CAMK1D: variants seen among roughly 807,000 people sequenced by gnomAD.
CAMK1D encodes calcium/calmodulin dependent protein kinase ID.
CAMK1D carries 9 observed loss-of-function variants against 47.7 expected under a neutral mutation model. The observed-to-expected ratio is 0.19, with a 90% CI of 0.11 to 0.33. The LOEUF is 0.33. Ranked by LOEUF, CAMK1D falls within the 10% of genes least tolerant of loss-of-function variation. The pLI, the probability that CAMK1D is intolerant of heterozygous loss-of-function variation, is 1.00. For missense variants in CAMK1D, 291 were observed against 488.7 expected, an observed-to-expected ratio of 0.60 and a Z score of 3.81; for synonymous variants, 184 against 184.9, an observed-to-expected ratio of 0.99 and a Z score of 0.04.
intron 1 of CAMK1D, among the ~76,000 whole-genome samples, chr10:12,486,721 C>T (rs1437576052): frequency 6.6e-6 from 1 of 152,118 alleles, no homozygotes; most frequent in Non-Finnish European, 1.5e-5. Flanking sequence ...TCAGTTTAAT[C>T]TTTGTGTTAC....
In CAMK1D at chr10:12,559,245, G is replaced by A. The variant is rs1006007774; in HGVS notation, c.224+5889G>A. The stretch of plus-strand genomic sequence containing the variant: ...TGCTTGAGCCGAGGAGTTTGAGGCT[G>A]TACTCCAGTTTGGGTGACAGACTGA... On this transcript the variant is annotated intron_variant, in intron 2 of 10. Coordinates refer to ENST00000619168, the MANE Select transcript of CAMK1D (RefSeq NM_153498.4). Among the ~76,000 whole-genome samples the A allele has an allele frequency of 7.2e-5, 11 of 152,188 alleles. No homozygotes were observed. The East Asian group carries it at 2.1e-3, about 29-fold the overall frequency.
intron 5 of CAMK1D, among the ~76,000 whole-genome samples, chr10:12,786,861 G>A (rs1292286813): frequency 6.6e-6 from 1 of 152,228 alleles, no homozygotes; most frequent in Non-Finnish European, 1.5e-5. Context: ...GGTGGCTCAC[G>A]CCTGTAATCC....
At chr10:12,672,896 C>CTTTTTTTTTTTTTTTTTTTTTTTTTTTT (rs750447013) in intron 3 of CAMK1D, among the ~76,000 whole-genome samples, 1 of 76,500 alleles carries the variant, frequency 1.3e-5, no homozygotes, top group Non-Finnish European at 2.3e-5. Context: ...ATAGGCTTGC[C>CTTTTTTTTTTTTTTTTTTTTTTTTTTTT]TTTTTTTTTT....
rs79373242 is a variant in CAMK1D at position 12,390,209 on chromosome 10, C to T, written c.92+40299C>T. On this transcript the variant is annotated intron_variant, in intron 1 of 10. Coordinates refer to ENST00000619168, the MANE Select transcript of CAMK1D (RefSeq NM_153498.4). ...TTTGCTAGTGATTTGCACCAGTGGC[C>T]GAAGAACTATAAAGTAGTTGTCTCT... Among the ~76,000 whole-genome samples the T allele has an allele frequency of 3.1e-4, 47 of 151,842 alleles. No homozygotes were observed. In the East Asian group the frequency reaches 6.8e-3, roughly 22 times the overall value.
At chr10:12,677,865 G>A (rs1364829607) in intron 3 of CAMK1D, among the ~76,000 whole-genome samples, 3 of 152,134 alleles carry the variant, frequency 2.0e-5, no homozygotes, top group East Asian at 3.8e-4. Context: ...CATCTTGGTG[G>A]GAGTTATGGC....
Position 12,552,587 on chromosome 10 carries a change from T to C in CAMK1D, c.93-638T>C, listed in dbSNP as rs562364110. 3.9e-5 allele frequency among the ~76,000 whole-genome samples: 6 copies of C among 152,310 alleles called. No individual in the cohort carries two copies. In the South Asian group the frequency reaches 1.0e-3, roughly 26 times the overall value. On this transcript the variant is annotated intron_variant, in intron 1 of 10. Coordinates refer to ENST00000619168, the MANE Select transcript of CAMK1D (RefSeq NM_153498.4). ...CCAGTCCTTTTCTGTAGGAGGAACC[T>C]CTTGTGGGAGCGTTCTTGTTGGCTC...
At chr10:12,524,389 A>G (rs757936112) in intron 1 of CAMK1D, among the ~76,000 whole-genome samples, 21 of 152,196 alleles carry the variant, frequency 1.4e-4, no homozygotes, top group African/African-American at 5.1e-4. Flanking sequence ...CATAGTTTTT[A>G]TATTTATTAC....
chr10:12,486,892 C>T (rs1016188685), intron 1 of CAMK1D, among the ~76,000 whole-genome samples: 1 of 152,068 alleles, frequency 6.6e-6, no homozygotes, highest in Non-Finnish European at 1.5e-5. Context: ...GAGCCATGAT[C>T]GCACCACTAC....
chr10:12,667,227 A>T (rs180760823), intron 3 of CAMK1D, among the ~76,000 whole-genome samples: 41 of 152,342 alleles, frequency 2.7e-4, no homozygotes, highest in Non-Finnish European at 5.0e-4. Flanking sequence ...AGGGAAGCAG[A>T]TGGTAACTGT....
intron 1 of CAMK1D, among the ~76,000 whole-genome samples, chr10:12,489,490 G>A (rs933262360): frequency 6.6e-6 from 1 of 152,156 alleles, no homozygotes; most frequent in East Asian, 1.9e-4. Context: ...GCTTCCATAA[G>A]GATCATTTTA....
intron 5 of CAMK1D, 26 bp downstream of exon 5, chr10:12,769,825 G>A: frequency 6.2e-7 from 1 of 1,612,756 alleles, no homozygotes; most frequent in Non-Finnish European, 8.5e-7. Flanking sequence ...GTGCACACAT[G>A]TGCCCGTGTG....
At chr10:12,798,654 A>G (rs926726142) in intron 6 of CAMK1D, among the ~76,000 whole-genome samples, 4 of 152,178 alleles carry the variant, frequency 2.6e-5, no homozygotes, top group Non-Finnish European at 5.9e-5. Flanking sequence ...TCCTCTCAAG[A>G]CTCAATTATC....
At chr10:12,700,540 A>G (rs1037253365) in intron 3 of CAMK1D, among the ~76,000 whole-genome samples, 1 of 152,170 alleles carries the variant, frequency 6.6e-6, no homozygotes, top group Non-Finnish European at 1.5e-5. Flanking sequence ...GACACAGCCA[A>G]CCAATATTAC....
At chr10:12,465,601 C>T (rs1489212681) in intron 1 of CAMK1D, among the ~76,000 whole-genome samples, 1 of 152,212 alleles carries the variant, frequency 6.6e-6, no homozygotes, top group African/African-American at 2.4e-5. Flanking sequence ...GTGATCCACC[C>T]ACCTTGGCCT....
At chr10:12,667,211 C>T (rs939166748) in intron 3 of CAMK1D, among the ~76,000 whole-genome samples, 8 of 152,158 alleles carry the variant, frequency 5.3e-5, no homozygotes, top group Non-Finnish European at 8.8e-5. Context: ...CCAGGGATGC[C>T]GGGGGAGGGA....
intron 9 of CAMK1D, 99 bp from the exon 10 acceptor site, chr10:12,825,474 T>C (rs1328004216): frequency 2.5e-6 from 3 of 1,197,880 alleles, no homozygotes; most frequent in Non-Finnish European, 3.5e-6. Flanking sequence ...GTAAGGAGTT[T>C]GAAATGCTTA....
In CAMK1D at chr10:12,832,069, T is replaced by G. The variant is rs922269041; in HGVS notation, c.*3182T>G. ...TCCTTCCTGAGCCCAAGTCCCCCAT[T>G]TGGTCACTATCCCTTCTCAGAGCAA... On this transcript the variant is annotated 3_prime_UTR_variant, in exon 11 of 11. Coordinates refer to ENST00000619168, the MANE Select transcript of CAMK1D (RefSeq NM_153498.4). The G allele has an allele frequency of 6.6e-6, 1 of 152,270 alleles. No individual in the cohort carries two copies. The highest frequency in any genetic ancestry group is 2.4e-5 in the African/African-American group (1 of 41,440). 9.4% of individuals were successfully genotyped at this position (152,270 alleles called of 1,614,324 possible).
intron 3 of CAMK1D, among the ~76,000 whole-genome samples, chr10:12,669,728 T>G (rs1453753169): frequency 6.6e-6 from 1 of 152,188 alleles, no homozygotes; most frequent in African/African-American, 2.4e-5. Flanking sequence ...GTGACCTACT[T>G]TACTTATGAG....
Position 12,529,679 on chromosome 10 carries a change from G to A in CAMK1D, c.93-23546G>A, listed in dbSNP as rs554803699. Among the ~76,000 whole-genome samples, 3 of 152,316 alleles carry A rather than the reference G, an allele frequency of 2.0e-5. No individual in the cohort carries two copies. The South Asian group carries it at 6.2e-4, about 32-fold the overall frequency. On this transcript the variant is annotated intron_variant, in intron 1 of 10. Transcript: ENST00000619168. ...AGTGCCGGGTAGTCCCTTACTCCAT[G>A]TACGGGGTCACACACAAATTTTGCT...
Sources: gnomAD v4.1 joint callset for allele counts (sites outside exome capture counted in the v4.1 genomes callset) on GRCh38, gnomAD v4.1.1 for gene constraint, MANE v1.5 for transcripts, NCBI Gene and HGNC (gene_info 2026-07-23, HGNC 2026-07-21) for gene names.